Variants in RRP7A observed in about 807,000 individuals in gnomAD.
RRP7A encodes ribosomal RNA processing 7 homolog A, also known as ribosomal RNA-processing protein 7 homolog A.
Under a neutral mutation model 38.4 loss-of-function variants are expected in RRP7A, and 27 were observed. The ratio of observed to expected loss-of-function variants is 0.70; its 90% CI spans 0.52 to 0.97. The LOEUF is 0.97. Ranked by LOEUF, RRP7A falls within the 50% of genes least tolerant of loss-of-function variation. RRP7A has a pLI of 0.00. For missense variants in RRP7A, 327 were observed against 375.4 expected, an observed-to-expected ratio of 0.87 and a Z score of 1.07; for synonymous variants, 124 against 150.3, an observed-to-expected ratio of 0.83 and a Z score of 1.28.
intron 3 of RRP7A, 25 bp downstream of exon 3, chr22:42,515,986 T>C: frequency 6.4e-7 from 1 of 1,570,674 alleles, no homozygotes; most frequent in Non-Finnish European, 8.6e-7. Context: ...CTCACTCTAG[T>C]GGAACCCCGG....
Position 42,509,478 on chromosome 22 carries a change from G to A in RRP7A, c.*3432C>T, listed in dbSNP as rs185977037. On this transcript the variant is annotated 3_prime_UTR_variant, in exon 7 of 7. Coordinates refer to ENST00000323013, the MANE Select transcript of RRP7A (RefSeq NM_015703.5). ...CTCCCGAGTAGCTGGGACTACAGGC[G>A]CCCGCCACCACGCCTGGCTTATTTT... is the stretch of plus-strand genomic sequence containing the variant. 1.0e-4 allele frequency among the ~76,000 whole-genome samples: 15 copies of A among 150,064 alleles called. No homozygotes were observed. The highest frequency in any genetic ancestry group is 3.4e-4 in the African/African-American group (14 of 41,116).
intron 5 of RRP7A, 88 bp from the exon 6 acceptor site, chr22:42,514,392 T>C (rs144572945): frequency 0.069 from 58,229 of 848,602 alleles, 4,072 homozygotes; most frequent in Admixed American, 0.15. Flanking sequence ...AAGTCAGAAC[T>C]GCCCTGAGCC....
At chr22:42,514,075 G>A (rs376767507) in intron 6 of RRP7A, 31 bp downstream of exon 6, 134 of 1,598,442 alleles carry the variant, frequency 8.4e-5, no homozygotes, top group Non-Finnish European at 1.0e-4. Context: ...CCAAGGCCGA[G>A]GGGTCTGAGG....
At position 42,518,068 on chromosome 22, in the gene RRP7A, G is replaced by C; in HGVS notation, c.153C>G (p.Thr51=). The C allele has an allele frequency of 2.5e-6, 4 of 1,614,090 alleles. No homozygotes were observed. Among genetic ancestry groups the C allele is most frequent in the Non-Finnish European group, 3.4e-6 (4 of 1,179,972 alleles). Residue 51 remains threonine (T), a synonymous_variant, in exon 2 of 7, where the codon ACC becomes ACG. Coordinates refer to ENST00000323013, the MANE Select transcript of RRP7A (RefSeq NM_015703.5). ...YVRAHGVRQG[T]KSTWPQKRTL... is the part of the protein sequence containing the mutation. The stretch of plus-strand genomic sequence containing the variant: ...TCCTCTTCTGAGGCCAGGTGGACTT[G>C]GTGCCTTGTCGAACGCCGTGTGCTC...
At chr22:42,519,592 G>C in intron 1 of RRP7A, 122 bp downstream of exon 1, 1 of 840,662 alleles carries the variant, frequency 1.2e-6, no homozygotes, top group South Asian at 2.5e-5. Context: ...CTGGGGCCAC[G>C]GGCCACCGGG....
chr22:42,516,077 C>T lies in RRP7A; in HGVS notation c.276G>A (p.Glu92=), dbSNP rs1920928740. Residue 92 remains glutamate (E), a synonymous_variant, in exon 3 of 7, where the codon GAG becomes GAA. Coordinates refer to ENST00000323013, the MANE Select transcript of RRP7A (RefSeq NM_015703.5). ...CGLVQSVELQ[E]KPDLAESPKE... ...TTGGGCTCTCAGCCAGGTCCGGCTT[C>T]TCCTGCAACTCTACAGACTGGACGA... The T allele has an allele frequency of 2.5e-6, 4 of 1,613,492 alleles. No individual in the cohort carries two copies. The African/African-American group carries it at 5.3e-5, about 22-fold the overall frequency.
At chr22:42,515,890 A>T (rs1330704687) in intron 3 of RRP7A, 121 bp downstream of exon 3, 2 of 1,276,378 alleles carry the variant, frequency 1.6e-6, no homozygotes, top group African/African-American at 3.0e-5. Flanking sequence ...TACACCACAC[A>T]CGGTGAGGAT....
At position 42,519,702 on chromosome 22, in the gene RRP7A, G is replaced by A; in HGVS notation, c.73+12C>T. The A allele has an allele frequency of 2.1e-6, 3 of 1,445,570 alleles. No homozygotes were observed. The highest frequency in any genetic ancestry group is 1.8e-4 in the Middle Eastern group (1 of 5,590). The allele number at this position is 1,445,570 out of a possible 1,614,324, so 89.5% of individuals were successfully genotyped here. On this transcript the variant is annotated intron_variant, in intron 1 of 6. Transcript: ENST00000323013. ...CTGACCGCCCCCGGTCTCGCGTCCC[G>A]GAGCCCCTCACCTGCGTAGCCCAGT...
rs1437626863 is a variant in RRP7A, at chr22:42,514,289, T to C, written c.574A>G (p.Lys192Glu). 2 of 1,582,024 alleles carry C rather than the reference T, an allele frequency of 1.3e-6. No individual in the cohort carries two copies. The highest frequency in any genetic ancestry group is 1.8e-5 in the Admixed American group (1 of 56,980). ...QKIAEEEAKA[K>E]EEEGVPDEEG... ...TCGTCAGGGACCCCCTCCTCCTCCT[T>C]GGCCTTAGCTTCTTCCTGCAAGGAA... Residue 192 changes from lysine (K) to glutamate (E), a missense_variant, in exon 6 of 7, where the codon AAG (lysine) becomes GAG (glutamate). By Grantham distance (56) the Lys-to-Glu change is moderately conservative (BLOSUM62 1). This residue lies in a region of RRP7A where 46 missense variants were observed against 93.0 expected (regional missense o/e 0.49). Coordinates refer to ENST00000323013, the MANE Select transcript of RRP7A (RefSeq NM_015703.5).
In RRP7A at chr22:42,519,182, C is replaced by T. The variant is rs867497370; in HGVS notation, c.73+532G>A. 1.2e-3 allele frequency among the ~76,000 whole-genome samples: 186 copies of T among 150,236 alleles called. 1 individual carries two copies. Among genetic ancestry groups the T allele is most frequent in the African/African-American group, 4.3e-3 (173 of 40,690 alleles). Reference sequence around the variant, plus strand: ...AGTCTGGTTTTTGTTTTAGAAGCTACCTGATAAAGCCACTGGAGGGAATGC... The same window carrying T: ...AGTCTGGTTTTTGTTTTAGAAGCTATCTGATAAAGCCACTGGAGGGAATGC... On this transcript the variant is annotated intron_variant, in intron 1 of 6. Coordinates refer to ENST00000323013, the MANE Select transcript of RRP7A (RefSeq NM_015703.5).
chr22:42,515,533 C>T (rs1227037159), intron 3 of RRP7A, among the ~76,000 whole-genome samples: 1 of 152,224 alleles, frequency 6.6e-6, no homozygotes, highest in African/African-American at 2.4e-5. Context: ...CTTCCAGTCA[C>T]GGGAGGGATG....
chr22:42,518,925 T>C (rs113687186), intron 1 of RRP7A, among the ~76,000 whole-genome samples: 15,753 of 136,960 alleles, frequency 0.12, 1,432 homozygotes, highest in African/African-American at 0.15. Context: ...TTGTATCAAT[T>C]GTGAAAGAAA....
chr22:42,516,323 T>C (rs947843879), intron 2 of RRP7A, 187 bp from the exon 3 acceptor site: 13 of 760,300 alleles, frequency 1.7e-5, no homozygotes, highest in Admixed American at 8.3e-5. Flanking sequence ...ATATGGAGGT[T>C]GATATTCCTG....
rs1601801796 is a variant in RRP7A, at chr22:42,509,260, C to T, written c.*3650G>A. ...GATCTTTTTTGGGAAGCCCCCCTGG[C>T]AGCAGGGTCATGGAAGGAGGAAGGT... is the stretch of plus-strand genomic sequence containing the variant. On this transcript the variant is annotated 3_prime_UTR_variant, in exon 7 of 7. Transcript: ENST00000323013. 6.7e-7 allele frequency: 1 copy of T among 1,491,396 alleles called. No individual in the cohort carries two copies. The highest frequency in any genetic ancestry group is 9.0e-7 in the Non-Finnish European group (1 of 1,116,638). The allele number at this position is 1,491,396 out of a possible 1,614,324, so 92.4% of individuals were successfully genotyped here.
chr22:42,518,185 C>T lies in RRP7A; in HGVS notation c.74-38G>A, dbSNP rs781374707. The T allele has an allele frequency of 7.6e-6, 12 of 1,577,038 alleles. No homozygotes were observed. The East Asian group carries it at 2.7e-4, about 35-fold the overall frequency. ...TGGGAGGGGAGGGATGGCCAGGCTA[C>T]CCTGAGCTGAGGCCAGCGAGACACT... On this transcript the variant is annotated intron_variant, in intron 1 of 6. Coordinates refer to ENST00000323013, the MANE Select transcript of RRP7A (RefSeq NM_015703.5).
In RRP7A at chr22:42,511,127, C is replaced by T. The variant is rs1932446289; in HGVS notation, c.*1783G>A. The T allele has an allele frequency of 6.5e-6, 1 of 152,988 alleles. No homozygotes were observed. Among genetic ancestry groups the T allele is most frequent in the Non-Finnish European group, 1.5e-5 (1 of 68,696 alleles). The allele number at this position is 152,988 out of a possible 1,614,324, so 9.5% of individuals were successfully genotyped here. On this transcript the variant is annotated 3_prime_UTR_variant, in exon 7 of 7. Transcript: ENST00000323013. ...CAAATGATCCTCCCACCTCAGCCACCTGAGTAGGTGGCACTACAGGCGCAT... is the reference window on the plus strand; with the variant it reads ...CAAATGATCCTCCCACCTCAGCCACTTGAGTAGGTGGCACTACAGGCGCAT...
rs1383755003 is a variant in RRP7A, at chr22:42,512,645, G to A, written c.*265C>T. The A allele has an allele frequency of 6.8e-6, 4 of 588,436 alleles. No homozygotes were observed. The highest frequency in any genetic ancestry group is 1.2e-5 in the Non-Finnish European group (4 of 329,076). 36.5% of individuals were successfully genotyped at this position (588,436 alleles called of 1,614,324 possible). A position where few individuals can be genotyped will look rare whatever the true frequency, so the allele number is the denominator to read the frequency against. ...CAGAACGGATTCATCCAGGGTCCTG[G>A]AGAGGAGGGTGTGGAGGCAAGAAGC... On this transcript the variant is annotated 3_prime_UTR_variant, in exon 7 of 7. Transcript: ENST00000323013.
intron 2 of RRP7A, chr22:42,516,386 T>C (rs1920929866): frequency 1.9e-6 from 1 of 534,414 alleles, no homozygotes; most frequent in South Asian, 1.6e-5. Context: ...GCTGGAGTCC[T>C]GCAACCTCCA....
intron 3 of RRP7A, among the ~76,000 whole-genome samples, 164 bp downstream of exon 3, chr22:42,515,847 A>G (rs538094088): frequency 5.3e-5 from 8 of 152,348 alleles, no homozygotes; most frequent in African/African-American, 9.6e-5. Flanking sequence ...AATCTGGCAA[A>G]GAATCGCAGG....
Sources: allele counts gnomAD v4.1 joint callset (sites outside exome capture counted in the v4.1 genomes callset), GRCh38; gene constraint gnomAD v4.1.1; regional missense constraint gnomAD v4.1.1; transcripts MANE v1.5; gene names NCBI Gene and HGNC (gene_info 2026-07-23, HGNC 2026-07-21).